Variants in CSMD1 observed in about 807,000 individuals in gnomAD.
CSMD1 encodes CUB and sushi domain-containing protein 1.
CSMD1 carries 213 observed loss-of-function variants against 417.5 expected under a neutral mutation model. The ratio of observed to expected loss-of-function variants is 0.51; its 90% CI spans 0.46 to 0.57. CSMD1 has a LOEUF of 0.57. Ranked by LOEUF, CSMD1 falls within the 20% of genes least tolerant of loss-of-function variation. The pLI is 0.00. For synonymous variants in CSMD1, 2,862 were observed against 1,736.8 expected, an observed-to-expected ratio of 1.65 and a Z score of -16.11; for missense variants, 6,923 against 4,529.7, an observed-to-expected ratio of 1.53 and a Z score of -15.17.
At chr8:3,180,145 T>C (rs1821231068) in intron 37 of CSMD1, among the ~76,000 whole-genome samples, 1 of 152,224 alleles carries the variant, frequency 6.6e-6, no homozygotes, top group Non-Finnish European at 1.5e-5. Flanking sequence ...GGTCCTAAAA[T>C]AAACCTTACT....
intron 1 of CSMD1, among the ~76,000 whole-genome samples, chr8:4,680,144 T>C (rs1298850742): frequency 1.3e-5 from 2 of 152,250 alleles, no homozygotes; most frequent in African/African-American, 2.4e-5. Flanking sequence ...ACTATGAATA[T>C]ACACAGCAGT....
At chr8:4,816,081 C>A (rs1025542665) in intron 1 of CSMD1, among the ~76,000 whole-genome samples, 2 of 152,202 alleles carry the variant, frequency 1.3e-5, no homozygotes, top group African/African-American at 4.8e-5. Context: ...GTTTAGGGAG[C>A]AGAACTGGGC....
chr8:4,908,152 T>G (rs1024220099), intron 1 of CSMD1, among the ~76,000 whole-genome samples: 1 of 152,206 alleles, frequency 6.6e-6, no homozygotes, highest in African/African-American at 2.4e-5. Flanking sequence ...GGTAGTTGTA[T>G]TTTTCCTTTC....
intron 3 of CSMD1, among the ~76,000 whole-genome samples, chr8:4,324,601 G>C (rs183771925): frequency 6.6e-6 from 1 of 152,180 alleles, no homozygotes; most frequent in Non-Finnish European, 1.5e-5. Context: ...GAACAAGACA[G>C]GTCAGTGGCC....
intron 41 of CSMD1, among the ~76,000 whole-genome samples, chr8:3,136,785 T>C (rs899930526): frequency 6.6e-6 from 1 of 152,168 alleles, no homozygotes; most frequent in African/African-American, 2.4e-5. Flanking sequence ...CTGATACTTC[T>C]CTGGCTGAAA....
chr8:4,668,042 C>G (rs1354360872), intron 1 of CSMD1, among the ~76,000 whole-genome samples: 1 of 152,212 alleles, frequency 6.6e-6, no homozygotes, highest in Non-Finnish European at 1.5e-5. Flanking sequence ...TACCTCATCT[C>G]TTATTTTGTA....
intron 3 of CSMD1, among the ~76,000 whole-genome samples, chr8:4,299,388 C>T (rs1158169524): frequency 6.6e-6 from 1 of 152,088 alleles, no homozygotes; most frequent in African/African-American, 2.4e-5. Flanking sequence ...TTGTAGATAA[C>T]CAGTCGTCTC....
At chr8:3,130,463 C>A (rs917149905) in intron 41 of CSMD1, among the ~76,000 whole-genome samples, 21 of 152,054 alleles carry the variant, frequency 1.4e-4, no homozygotes, top group African/African-American at 5.1e-4. Context: ...CATCCACATA[C>A]AATTCATTCT....
intron 3 of CSMD1, among the ~76,000 whole-genome samples, chr8:4,198,755 G>A (rs1360178569): frequency 6.6e-6 from 1 of 152,054 alleles, no homozygotes; most frequent in South Asian, 2.1e-4. Flanking sequence ...CTTTCTATGT[G>A]AATTTTGAAA....
At chr8:4,681,582 C>T (rs183370896) in intron 1 of CSMD1, among the ~76,000 whole-genome samples, 47 of 152,278 alleles carry the variant, frequency 3.1e-4, no homozygotes, top group Non-Finnish European at 6.0e-4. Context: ...ATTGAAAATA[C>T]GACGAGTGGA....
chr8:4,925,537 CTTTT>C (rs113682113), intron 1 of CSMD1, among the ~76,000 whole-genome samples: 1 of 145,952 alleles, frequency 6.9e-6, no homozygotes, highest in Middle Eastern at 3.6e-3. Context: ...CTGGCATTTT[CTTTT>C]TTTTTTCTTT....
chr8:4,204,937 A>C (rs1239211386), intron 3 of CSMD1, among the ~76,000 whole-genome samples: 1 of 152,098 alleles, frequency 6.6e-6, no homozygotes, highest in Non-Finnish European at 1.5e-5. Context: ...TGGGATTACA[A>C]ATGTGAGCCA....
At chr8:3,529,989 T>C (rs1797911325) in intron 10 of CSMD1, among the ~76,000 whole-genome samples, 1 of 151,994 alleles carries the variant, frequency 6.6e-6, no homozygotes, top group Non-Finnish European at 1.5e-5. Flanking sequence ...GTCATTTTTG[T>C]TTCCCCATGA....
chr8:3,425,699 C>G (rs376531380), intron 12 of CSMD1, among the ~76,000 whole-genome samples: 2 of 151,986 alleles, frequency 1.3e-5, no homozygotes, highest in Non-Finnish European at 2.9e-5. Flanking sequence ...TTAGTGCATT[C>G]TGCCCTGAAG....
chr8:3,466,239 G>A (rs941150190), intron 12 of CSMD1, among the ~76,000 whole-genome samples: 3 of 151,530 alleles, frequency 2.0e-5, no homozygotes, highest in Non-Finnish European at 4.4e-5. Flanking sequence ...ATACACAAAG[G>A]GTTTAAATAA....
At chr8:3,214,412 T>C (rs1216673892) in intron 30 of CSMD1, 85 bp downstream of exon 30, 19 of 1,179,314 alleles carry the variant, frequency 1.6e-5, no homozygotes, top group Non-Finnish European at 2.2e-5. Context: ...GGAATACGTG[T>C]TGAAATGTGA....
At chr8:4,280,853 T>A (rs1411930875) in intron 3 of CSMD1, among the ~76,000 whole-genome samples, 1 of 152,248 alleles carries the variant, frequency 6.6e-6, no homozygotes, top group Non-Finnish European at 1.5e-5. Flanking sequence ...TTTCTTCTAC[T>A]TCCTGTAAAC....
chr8:4,075,016 T>C (rs1799748828), intron 3 of CSMD1, among the ~76,000 whole-genome samples: 1 of 152,174 alleles, frequency 6.6e-6, no homozygotes, highest in Admixed American at 6.5e-5. Flanking sequence ...TGCCTGTCTT[T>C]ACTCACTGTA....
intron 9 of CSMD1, among the ~76,000 whole-genome samples, chr8:3,575,563 T>A (rs73660303): frequency 6.6e-6 from 1 of 152,130 alleles, no homozygotes; most frequent in African/African-American, 2.4e-5. Flanking sequence ...TTTTCAACTT[T>A]AAAAAAGGGT....
Sources: allele counts gnomAD v4.1 joint callset (sites outside exome capture counted in the v4.1 genomes callset), GRCh38; gene constraint gnomAD v4.1.1; transcripts MANE v1.5; gene names NCBI Gene and HGNC (gene_info 2026-07-23, HGNC 2026-07-21).